C8orf34: variants seen among roughly 807,000 people sequenced by gnomAD.
C8orf34 encodes chromosome 8 open reading frame 34.
A neutral mutation model predicts 68.3 loss-of-function variants in C8orf34; 65 were observed. The ratio of observed to expected loss-of-function variants is 0.95; its 90% CI spans 0.78 to 1.17. The LOEUF is 1.17. Ranked by LOEUF, C8orf34 falls within the 50% of genes most tolerant of loss-of-function variation. C8orf34 has a pLI of 0.00. For synonymous variants in C8orf34, 244 were observed against 241.2 expected (o/e 1.01, Z -0.11); for missense variants, 664 against 655.4 (o/e 1.01, Z -0.14).
chr8:68,736,094 AATC>A (rs1352551774), intron 10 of C8orf34, among the ~76,000 whole-genome samples: 1 of 152,178 alleles, frequency 6.6e-6, no homozygotes, highest in Non-Finnish European at 1.5e-5. Flanking sequence ...AAAGAAAATA[AATC>A]ATCTTTTGTA....
At chr8:68,411,138 G>A (rs1809426619) in intron 1 of C8orf34, among the ~76,000 whole-genome samples, 1 of 152,056 alleles carries the variant, frequency 6.6e-6, no homozygotes, top group Non-Finnish European at 1.5e-5. Context: ...TATTTTAGTA[G>A]AAGTTTGGAG....
At chr8:68,804,800 C>T (rs1824436252) in intron 12 of C8orf34, among the ~76,000 whole-genome samples, 2 of 152,004 alleles carry the variant, frequency 1.3e-5, no homozygotes, top group Admixed American at 6.6e-5. Flanking sequence ...AATAAACAAA[C>T]AAACAAATAA....
intron 7 of C8orf34, chr8:68,534,314 A>G (rs1181449336): frequency 8.1e-6 from 8 of 985,274 alleles, no homozygotes; most frequent in Admixed American, 1.2e-4. Context: ...AATCATTAAC[A>G]TGGCAGACGT....
chr8:68,336,724 C>T (rs531468317), intron 1 of C8orf34, among the ~76,000 whole-genome samples: 2 of 152,208 alleles, frequency 1.3e-5, no homozygotes, highest in East Asian at 3.9e-4. Context: ...TTCTAAATAC[C>T]ATTCTCCATT....
At chr8:68,521,713 T>C in intron 5 of C8orf34, 86 bp from the exon 6 acceptor site, 1 of 1,227,290 alleles carries the variant, frequency 8.1e-7, no homozygotes, top group Non-Finnish European at 1.1e-6. Flanking sequence ...CATTTGACAG[T>C]CAAATATCTA....
intron 3 of C8orf34, chr8:68,446,886 T>G (rs774224904): frequency 1.2e-4 from 20 of 165,754 alleles, no homozygotes; most frequent in Non-Finnish European, 2.4e-4. Flanking sequence ...ATATTTCATC[T>G]GGGATTTTCC....
intron 10 of C8orf34, among the ~76,000 whole-genome samples, chr8:68,746,936 G>C (rs1348027220): frequency 6.6e-6 from 1 of 151,626 alleles, no homozygotes; most frequent in African/African-American, 2.4e-5. Flanking sequence ...AACCAAAAAA[G>C]AGAATTTTAG....
At chr8:68,582,205 C>T (rs1202818178) in intron 7 of C8orf34, among the ~76,000 whole-genome samples, 6 of 152,090 alleles carry the variant, frequency 3.9e-5, no homozygotes, top group South Asian at 2.1e-4. Flanking sequence ...CAATGAAGAA[C>T]GGAGAGCTAT....
intron 8 of C8orf34, 25 bp downstream of exon 8, chr8:68,640,536 T>C (rs754485541): frequency 1.9e-6 from 3 of 1,585,728 alleles, no homozygotes; most frequent in Non-Finnish European, 2.6e-6. Flanking sequence ...AGGTATAGTA[T>C]ATATAAACAT....
In C8orf34 at chr8:68,807,734, A is replaced by G. The variant is rs539676378; in HGVS notation, c.1550-8152A>G. Among the ~76,000 whole-genome samples, 13 of 152,318 alleles carry G rather than the reference A, an allele frequency of 8.5e-5. No homozygotes were observed. In the East Asian group the frequency reaches 2.3e-3, roughly 27 times the overall value. On this transcript the variant is annotated intron_variant, in intron 12 of 13. Coordinates refer to ENST00000518698, the MANE Select transcript of C8orf34 (RefSeq NM_052958.4). ...ATGTTGCAAAGATAATTTGAGGCCT[A>G]GGATGATGTTATCTTCTTCTAGAGA...
intron 1 of C8orf34, among the ~76,000 whole-genome samples, chr8:68,372,258 A>G (rs563982790): frequency 2.0e-5 from 3 of 152,318 alleles, no homozygotes; most frequent in South Asian, 4.1e-4. Flanking sequence ...AGGAGTTGGA[A>G]GACTGAAAAA....
At chr8:68,589,754 G>A (rs1357926148) in intron 7 of C8orf34, among the ~76,000 whole-genome samples, 3 of 145,872 alleles carry the variant, frequency 2.1e-5, no homozygotes, top group Non-Finnish European at 3.0e-5. Context: ...GAAGAGGAAA[G>A]GAAGGAAGGA....
At chr8:68,771,552 G>A (rs879712237) in intron 10 of C8orf34, among the ~76,000 whole-genome samples, 1 of 152,150 alleles carries the variant, frequency 6.6e-6, no homozygotes, top group African/African-American at 2.4e-5. Flanking sequence ...TATTTCCTCT[G>A]TTGTGTCTGG....
At chr8:68,459,022 C>T (rs1453211663) in intron 3 of C8orf34, among the ~76,000 whole-genome samples, 1 of 152,050 alleles carries the variant, frequency 6.6e-6, no homozygotes, top group East Asian at 1.9e-4. Context: ...TAGTTTGTGT[C>T]TTTGTATATT....
intron 6 of C8orf34, among the ~76,000 whole-genome samples, chr8:68,528,217 T>C (rs1301516273): frequency 6.6e-6 from 1 of 152,142 alleles, no homozygotes; most frequent in Non-Finnish European, 1.5e-5. Flanking sequence ...CTTCGCCATG[T>C]ATCTTGAATT....
intron 7 of C8orf34, among the ~76,000 whole-genome samples, chr8:68,573,166 C>A (rs577518535): frequency 6.6e-6 from 1 of 152,138 alleles, no homozygotes; most frequent in Admixed American, 6.6e-5. Context: ...GTATCCATAC[C>A]CTTAGCTGTG....
chr8:68,806,509 A>G (rs1488600005), intron 12 of C8orf34, among the ~76,000 whole-genome samples: 1 of 151,810 alleles, frequency 6.6e-6, no homozygotes. Flanking sequence ...CTGTCATTTT[A>G]TTTTCACCTG....
chr8:68,687,629 C>T lies in C8orf34; in HGVS notation c.1242-21365C>T, dbSNP rs187398029. Among the ~76,000 whole-genome samples, 501 of 152,090 alleles carry T rather than the reference C, an allele frequency of 3.3e-3. 4 individuals are homozygous for T. Among genetic ancestry groups the T allele is most frequent in the African/African-American group, 0.011 (458 of 41,490 alleles). ...AAATCAACTCAAGATGGATAAAAGGCTTAAATCTAAGACCTAAAACCATAA... is the reference window on the plus strand; with the variant it reads ...AAATCAACTCAAGATGGATAAAAGGTTTAAATCTAAGACCTAAAACCATAA... On this transcript the variant is annotated intron_variant, in intron 8 of 13. Transcript: ENST00000518698.
chr8:68,387,854 A>G (rs1320125860), intron 1 of C8orf34, among the ~76,000 whole-genome samples: 1 of 152,194 alleles, frequency 6.6e-6, no homozygotes, highest in Admixed American at 6.5e-5. Flanking sequence ...TTTAGCATAT[A>G]TGTAAATTTT....
Sources: gnomAD v4.1 joint callset for allele counts (sites outside exome capture counted in the v4.1 genomes callset) on GRCh38, gnomAD v4.1.1 for gene constraint, MANE v1.5 for transcripts, NCBI Gene and HGNC (gene_info 2026-07-23, HGNC 2026-07-21) for gene names.